IQSEC1: variants seen among roughly 807,000 people sequenced by gnomAD.
IQSEC1 encodes the protein IQ motif and SEC7 domain-containing protein 1.
A neutral mutation model predicts 91.0 loss-of-function variants in IQSEC1; 31 were observed. The observed-to-expected ratio is 0.34, with a 90% CI of 0.26 to 0.46. The LOEUF (loss-of-function observed/expected upper bound fraction) is 0.46. IQSEC1 is among the 20% of genes least tolerant of loss of function. The probability of loss-of-function intolerance (pLI) is 1.00; values close to 1 mark genes in which losing one functional copy is unlikely to be tolerated. For synonymous variants in IQSEC1, 699 were observed against 662.6 expected, an observed-to-expected ratio of 1.05 and a Z score of -0.84; for missense variants, 1,388 against 1,575.6, an observed-to-expected ratio of 0.88 and a Z score of 2.02.
chr3:13,277,086 GGCAAAGCATT>G lies in IQSEC1; in HGVS notation c.272+5615_272+5624del, dbSNP rs1245443738. ...TCAGAATGGTGCACTTCCCAAGTTA[GGCAAAGCATT>G]GCTCCTCCTTAAAAAAAAAAAAAAA... On this transcript the variant is annotated intron_variant, in intron 1 of 15. Coordinates refer to the IQSEC1 transcript ENST00000648114. Among the ~76,000 whole-genome samples, 6 of 117,076 alleles carry G rather than the reference GGCAAAGCATT, an allele frequency of 5.1e-5. No individual in the cohort carries two copies. The East Asian group carries it at 1.6e-3, about 31-fold the overall frequency. The allele number at this position is 117,076 out of a possible 152,430, so 76.8% of individuals were successfully genotyped here.
chr3:13,232,892 GA>G (rs1398678873), intron 1 of IQSEC1, among the ~76,000 whole-genome samples: 1 of 152,102 alleles, frequency 6.6e-6, no homozygotes, highest in Non-Finnish European at 1.5e-5. Context: ...AGCCCGTCAC[GA>G]AACGTGAAAA....
chr3:12,901,497 A>T lies in IQSEC1; in HGVS notation c.2831T>A (p.Met944Lys). ...TCGTGTTGATGTAGCTCTCCGGCGC[A>T]TGTGAGGACTGCTAATGATGGACCC... ...VEGSIISSPH[M>K]RRRATSTREC... The change falls in exon 14 of 14, where the codon ATG becomes AAG. Residue 944 changes from methionine to lysine, a missense_variant. By Grantham distance (95) the Met-to-Lys change is moderately conservative. This residue lies in a region of IQSEC1 where 329 missense variants were observed against 257.8 expected (regional missense o/e 1.28). Transcript: ENST00000613206. The T allele has an allele frequency of 6.5e-7, 1 of 1,550,002 alleles. No individual in the cohort carries two copies. The highest frequency in any genetic ancestry group is 8.7e-7 in the Non-Finnish European group (1 of 1,146,892).
chr3:13,112,568 G>T (rs1576255534), intron 2 of IQSEC1, among the ~76,000 whole-genome samples: 1 of 150,900 alleles, frequency 6.6e-6, no homozygotes, highest in African/African-American at 2.5e-5. Context: ...GGGCTTCCCA[G>T]GGAGGGCACT....
Position 13,098,058 on chromosome 3 carries a change from C to CA in IQSEC1, c.303-50537dup, listed in dbSNP as rs368119381. ...CAGATGTCTGGGGCAGTGGTGCCCT[C>CA]AATGTCTGTCCTGCCCTGTGCTGGC... is the stretch of plus-strand genomic sequence containing the variant. On this transcript the variant is annotated intron_variant, in intron 2 of 15. Coordinates refer to the IQSEC1 transcript ENST00000648114. Among the ~76,000 whole-genome samples the CA allele has an allele frequency of 2.2e-3, 340 of 152,392 alleles. 3 individuals are homozygous for CA. Among genetic ancestry groups the CA allele is most frequent in the South Asian group, 9.9e-3 (48 of 4,828 alleles).
At chr3:13,071,649 C>T (rs980813742) in intron 1 of IQSEC1, among the ~76,000 whole-genome samples, 1 of 152,240 alleles carries the variant, frequency 6.6e-6, no homozygotes, top group African/African-American at 2.4e-5. Flanking sequence ...CATCGACAAA[C>T]CAACCTGTGA....
At position 12,900,257 on chromosome 3, in the gene IQSEC1, A is replaced by C. The variant is rs551611122; in HGVS notation, c.*726T>G. The C allele has an allele frequency of 1.0e-6, 1 of 985,116 alleles. No individual in the cohort carries two copies. The highest frequency in any genetic ancestry group is 1.7e-5 in the African/African-American group (1 of 57,326). 61.0% of individuals were successfully genotyped at this position (985,116 alleles called of 1,614,324 possible). Reference sequence around the variant, plus strand: ...TAATGATTGTGTAAAGATTTTAGCCAGTCCTAGAGGGACTTCTTTGTATGA... The same window carrying C: ...TAATGATTGTGTAAAGATTTTAGCCCGTCCTAGAGGGACTTCTTTGTATGA... On this transcript the variant is annotated 3_prime_UTR_variant, in exon 14 of 14. Transcript: ENST00000613206.
At chr3:12,919,540 A>G (rs912887256) in intron 6 of IQSEC1, among the ~76,000 whole-genome samples, 4 of 152,190 alleles carry the variant, frequency 2.6e-5, no homozygotes, top group South Asian at 2.1e-4. Flanking sequence ...GTTCAAGGAG[A>G]AGGGACGGCA....
intron 1 of IQSEC1, among the ~76,000 whole-genome samples, chr3:13,190,383 G>C (rs139470801): frequency 6.6e-6 from 1 of 151,802 alleles, no homozygotes; most frequent in Non-Finnish European, 1.5e-5. Context: ...ACTGGGTTGA[G>C]AGCAAAACCT....
At chr3:13,202,033 C>T (rs1469208485) in intron 1 of IQSEC1, among the ~76,000 whole-genome samples, 1 of 152,230 alleles carries the variant, frequency 6.6e-6, no homozygotes, top group Admixed American at 6.5e-5. Context: ...GCAGCCGCTG[C>T]CAAGAGGAGT....
At chr3:13,101,971 G>C (rs1019957839) in intron 2 of IQSEC1, among the ~76,000 whole-genome samples, 2 of 152,094 alleles carry the variant, frequency 1.3e-5, no homozygotes, top group Non-Finnish European at 2.9e-5. Context: ...CAGTGAGCCA[G>C]GGGCCCACTC....
intron 1 of IQSEC1, among the ~76,000 whole-genome samples, chr3:13,064,660 G>A (rs926924107): frequency 2.0e-5 from 3 of 152,214 alleles, no homozygotes; most frequent in Admixed American, 6.5e-5. Flanking sequence ...ATCTTCCCTC[G>A]ACTGCGAGAG....
intron 1 of IQSEC1, among the ~76,000 whole-genome samples, chr3:12,959,614 C>T (rs1325826978): frequency 6.6e-6 from 1 of 152,176 alleles, no homozygotes; most frequent in African/African-American, 2.4e-5. Flanking sequence ...GCCAACAGAG[C>T]TAAGGGCTGT....
intron 1 of IQSEC1, among the ~76,000 whole-genome samples, chr3:13,055,864 C>T (rs1559743830): frequency 6.6e-6 from 1 of 152,232 alleles, no homozygotes; most frequent in South Asian, 2.1e-4. Context: ...GGTCCAGGCC[C>T]GGGGTGGGGC....
intron 1 of IQSEC1, among the ~76,000 whole-genome samples, chr3:12,993,105 GC>G (rs930758610): frequency 2.6e-5 from 4 of 152,110 alleles, no homozygotes; most frequent in African/African-American, 9.7e-5. Flanking sequence ...GCTGCCACCT[GC>G]CCCCTATGGG....
At chr3:13,276,539 C>T (rs1354509778) in intron 1 of IQSEC1, among the ~76,000 whole-genome samples, 1 of 152,136 alleles carries the variant, frequency 6.6e-6, no homozygotes, top group Non-Finnish European at 1.5e-5. Context: ...GAGGCTGGGG[C>T]TGTTACTTGG....
Position 12,924,589 on chromosome 3 carries a change from G to A in IQSEC1, c.1722C>T (p.Asp574=), listed in dbSNP as rs753411185. The A allele has an allele frequency of 2.1e-4, 337 of 1,600,640 alleles. No individual in the cohort carries two copies. The highest frequency in any genetic ancestry group is 2.8e-4 in the Non-Finnish European group (324 of 1,171,866). Reference sequence around the variant, plus strand: ...CCCCATGCAGAACTTACTCGAGCACGTCACGGTTGAACTGCTTCTGCCGGT... The same window carrying A: ...CCCCATGCAGAACTTACTCGAGCACATCACGGTTGAACTGCTTCTGCCGGT... The part of the protein sequence containing the change: ...LGNRQKQFNR[D]VLDCVVDEMD... Residue 574 remains aspartate (D), a synonymous_variant, in exon 4 of 14, where the codon GAC becomes GAT. Transcript: ENST00000613206. This position sits in a 1 kb window ranked among gnomAD's most constrained non-coding sequence, Gnocchi z 6.3.
intron 1 of IQSEC1, among the ~76,000 whole-genome samples, chr3:13,169,206 T>A (rs750305896): frequency 6.6e-6 from 1 of 152,184 alleles, no homozygotes; most frequent in Non-Finnish European, 1.5e-5. Context: ...GTTCTTGTGA[T>A]AGTGAATAAG....
At position 13,085,118 on chromosome 3, in the gene IQSEC1, C is replaced by T. The variant is rs1241678410; in HGVS notation, c.303-37596G>A. 3.9e-5 allele frequency among the ~76,000 whole-genome samples: 6 copies of T among 152,276 alleles called. 1 individual carries two copies. The highest frequency in any genetic ancestry group is 1.3e-4 in the Admixed American group (2 of 15,308). On this transcript the variant is annotated intron_variant, in intron 2 of 15. Transcript: ENST00000648114. The stretch of plus-strand genomic sequence containing the variant: ...GCATTTATCGAACTCCCGCTTATTA[C>T]GACATCTCCTCGGATGCCCCAAACA...
intron 12 of IQSEC1, among the ~76,000 whole-genome samples, chr3:12,905,198 T>G (rs1694840143): frequency 6.6e-6 from 1 of 152,216 alleles, no homozygotes; most frequent in Non-Finnish European, 1.5e-5. Flanking sequence ...CACGTGCTGA[T>G]CAGGCCAAGC....
Sources: gnomAD v4.1 joint callset for allele counts (sites outside exome capture counted in the v4.1 genomes callset) on GRCh38, gnomAD v4.1.1 for gene constraint, gnomAD v4.1.1 regional missense constraint, Gnocchi (gnomAD v3.1) non-coding constraint, MANE v1.5 for transcripts, NCBI Gene and HGNC (gene_info 2026-07-23, HGNC 2026-07-21) for gene names.